Variants in TMC5 observed in about 807,000 individuals in gnomAD.
TMC5 encodes the protein transmembrane channel like 5.
In TMC5, 86 loss-of-function variants were observed where a neutral mutation model predicts 110.5. The ratio of observed to expected loss-of-function variants is 0.78; its 90% CI spans 0.65 to 0.93. The LOEUF is 0.93. Among genes scored for constraint, TMC5 ranks in the 40% least tolerant of loss-of-function variants. The probability of loss-of-function intolerance (pLI) is 0.00; values close to 1 mark genes in which losing one functional copy is unlikely to be tolerated. For missense variants in TMC5, 1,144 were observed against 1,222.8 expected (o/e 0.94, Z 0.96); for synonymous variants, 455 against 439.5 (o/e 1.04, Z -0.44).
chr16:19,495,619 G>C (rs1349397353), intron 20 of TMC5, among the ~76,000 whole-genome samples: 1 of 152,020 alleles, frequency 6.6e-6, no homozygotes, highest in Non-Finnish European at 1.5e-5. Context: ...GGCTGAGGTG[G>C]GAGGGGAGGA....
intron 21 of TMC5, among the ~76,000 whole-genome samples, chr16:19,497,419 A>G (rs1269201785): frequency 1.3e-5 from 2 of 152,224 alleles, no homozygotes; most frequent in Non-Finnish European, 2.9e-5. Context: ...ACTCTGCCTA[A>G]TAAGTGCAAG....
intron 11 of TMC5, among the ~76,000 whole-genome samples, chr16:19,473,087 T>C (rs1237095709): frequency 1.3e-5 from 2 of 152,036 alleles, no homozygotes; most frequent in Non-Finnish European, 2.9e-5. Flanking sequence ...GGCTCACGCC[T>C]GTAATCCCAG....
intron 2 of TMC5, among the ~76,000 whole-genome samples, chr16:19,438,760 C>T (rs971082954): frequency 1.8e-4 from 28 of 151,788 alleles, no homozygotes; most frequent in African/African-American, 5.1e-4. Context: ...AAAAGAAAAA[C>T]GAAAAGAAAA....
chr16:19,474,128 C>T lies in TMC5; in HGVS notation c.1942C>T (p.Leu648=). The change falls in exon 12 of 22, where the codon CTG becomes TTG. Residue 648 remains leucine, a synonymous_variant. Coordinates refer to ENST00000542583, the MANE Select transcript of TMC5 (RefSeq NM_001261841.2). ...TTCTCTCCCCCATCCCCTGCAGTTCCTGAAGACACACAGTAACCCTGGGGC... is the reference window on the plus strand; with the variant it reads ...TTCTCTCCCCCATCCCCTGCAGTTCTTGAAGACACACAGTAACCCTGGGGC... ...YYLAEYNLEF[L]KTHSNPGAVL... The T allele has an allele frequency of 6.2e-7, 1 of 1,613,514 alleles. No homozygotes were observed. The highest frequency in any genetic ancestry group is 1.1e-5 in the South Asian group (1 of 91,022).
intron 5 of TMC5, among the ~76,000 whole-genome samples, chr16:19,457,526 G>A (rs932143981): frequency 6.6e-6 from 1 of 152,010 alleles, no homozygotes; most frequent in African/African-American, 2.4e-5. Flanking sequence ...TATTTTGTAT[G>A]CCTTGTGCTC....
intron 18 of TMC5, 48 bp downstream of exon 18, chr16:19,490,616 G>A (rs753970625): frequency 1.1e-5 from 18 of 1,595,370 alleles, no homozygotes; most frequent in Non-Finnish European, 1.5e-5. Flanking sequence ...AGGAGCTCTC[G>A]AGGGAAACAG....
chr16:19,469,107 T>C (rs575256243), intron 9 of TMC5, among the ~76,000 whole-genome samples: 2 of 152,276 alleles, frequency 1.3e-5, no homozygotes, highest in Admixed American at 1.3e-4. Flanking sequence ...TCATTTGCTA[T>C]AGCAGCAACA....
Position 19,460,401 on chromosome 16 carries a change from A to G in TMC5, c.1148+67A>G, listed in dbSNP as rs1339455444. 1.4e-5 allele frequency: 16 copies of G among 1,146,410 alleles called. No individual in the cohort carries two copies. In the East Asian group the frequency reaches 1.7e-4, roughly 12 times the overall value. 71.0% of individuals were successfully genotyped at this position (1,146,410 alleles called of 1,614,324 possible). A position where few individuals can be genotyped will look rare whatever the true frequency, so the allele number is the denominator to read the frequency against. On this transcript the variant is annotated intron_variant, in intron 6 of 21. Transcript: ENST00000542583. Reference sequence around the variant, plus strand: ...AACCTCAATCCTCTACTTTTGCCCCATCTCAAAAAGATAAGAAATAAATAA... The same window carrying G: ...AACCTCAATCCTCTACTTTTGCCCCGTCTCAAAAAGATAAGAAATAAATAA...
chr16:19,493,203 C>T lies in TMC5; in HGVS notation c.2826+975C>T, dbSNP rs60038944. On this transcript the variant is annotated intron_variant, in intron 19 of 21. Transcript: ENST00000542583. ...CTCAAACTTCCGACCTCAGGTGATC[C>T]GCCCGCCTCGGCCTCCCAAAGTGCT... 5.4e-3 allele frequency among the ~76,000 whole-genome samples: 817 copies of T among 151,426 alleles called. 8 individuals carry two copies. Among genetic ancestry groups the T allele is most frequent in the African/African-American group, 0.018 (755 of 41,344 alleles).
At chr16:19,433,013 CAT>C (rs1967226431) in intron 2 of TMC5, among the ~76,000 whole-genome samples, 1 of 151,834 alleles carries the variant, frequency 6.6e-6, no homozygotes, top group African/African-American at 2.4e-5. Context: ...ATAATATACA[CAT>C]ATAATACACA....
At chr16:19,445,015 C>G (rs1288934882) in intron 4 of TMC5, among the ~76,000 whole-genome samples, 1 of 152,090 alleles carries the variant, frequency 6.6e-6, no homozygotes, top group Non-Finnish European at 1.5e-5. Context: ...CCTGTAATGC[C>G]ATACTCGGGA....
At position 19,441,588 on chromosome 16, in the gene TMC5, C is replaced by T. The variant is rs545689002; in HGVS notation, c.788+762C>T. Among the ~76,000 whole-genome samples the T allele has an allele frequency of 3.3e-5, 5 of 151,722 alleles. 1 individual carries two copies. Among genetic ancestry groups the T allele is most frequent in the East Asian group, 3.9e-4 (2 of 5,098 alleles). On this transcript the variant is annotated intron_variant, in intron 3 of 21. Transcript: ENST00000542583. ...GATTATAGGCATGAGCCACCATGCC[C>T]GGCCATGTTTGCACCACTTCTGATT...
intron 20 of TMC5, among the ~76,000 whole-genome samples, chr16:19,495,811 C>T (rs1197399698): frequency 6.6e-6 from 1 of 151,836 alleles, no homozygotes; most frequent in African/African-American, 2.4e-5. Context: ...CGCACTCCAG[C>T]TTGGGAGACA....
In TMC5 at chr16:19,428,496, A is replaced by G. The variant is rs7196966; in HGVS notation, c.-307-1917A>G. ...GCCCCAATTCTCATTTAAAAAATAC[A>G]TTAGAACTCATGTTAATTCAGTGTT... On this transcript the variant is annotated intron_variant, in intron 1 of 21. Coordinates refer to ENST00000542583, the MANE Select transcript of TMC5 (RefSeq NM_001261841.2). 2.0e-5 allele frequency among the ~76,000 whole-genome samples: 3 copies of G among 152,254 alleles called. No individual in the cohort carries two copies. In the South Asian group the frequency reaches 6.2e-4, roughly 32 times the overall value.
Position 19,440,659 on chromosome 16 carries a change from T to A in TMC5, c.621T>A (p.Tyr207Ter). ...PYADSLGKPD[Y>*]PGADIQPNSP... The stretch of plus-strand genomic sequence containing the variant: ...CAGACTCTCTGGGAAAGCCTGATTA[T>A]CCAGGCGCTGACATTCAACCTAACT... Residue 207 changes from tyrosine to a stop codon, truncating the protein, a stop_gained, in exon 3 of 22, where the codon TAT becomes TAA. Coordinates refer to ENST00000542583, the MANE Select transcript of TMC5 (RefSeq NM_001261841.2). LOFTEE classifies it high-confidence loss of function. The A allele has an allele frequency of 6.2e-7, 1 of 1,614,224 alleles. No individual in the cohort carries two copies. Among genetic ancestry groups the A allele is most frequent in the South Asian group, 1.1e-5 (1 of 91,088 alleles).
At chr16:19,435,802 T>C (rs1328288827) in intron 2 of TMC5, among the ~76,000 whole-genome samples, 2 of 152,228 alleles carry the variant, frequency 1.3e-5, no homozygotes, top group Admixed American at 6.5e-5. Flanking sequence ...CCAACTCTTT[T>C]TCCTCATCCT....
rs72785329 is a variant in TMC5, at chr16:19,487,179, C to A, written c.2440-14C>A. On this transcript the variant is annotated splice_polypyrimidine_tract_variant and intron_variant, in intron 16 of 21. Coordinates refer to ENST00000542583, the MANE Select transcript of TMC5 (RefSeq NM_001261841.2). ...CCGGCTGCAGATGGGAGGTGGCTGC[C>A]TCTCTCTCTTCAGATCAGCCTGATG... 5 of 1,607,484 alleles carry A rather than the reference C, an allele frequency of 3.1e-6. No individual in the cohort carries two copies. The highest frequency in any genetic ancestry group is 4.3e-6 in the Non-Finnish European group (5 of 1,176,418).
intron 5 of TMC5, among the ~76,000 whole-genome samples, chr16:19,452,633 C>G (rs146956355): frequency 1.6e-3 from 243 of 152,268 alleles, no homozygotes; most frequent in Non-Finnish European, 2.8e-3. Context: ...AGGGGAATCA[C>G]TTGAACTCAG....
chr16:19,429,482 T>A (rs72783394), intron 1 of TMC5, among the ~76,000 whole-genome samples: 8,767 of 152,222 alleles, frequency 0.058, 400 homozygotes, highest in African/African-American at 0.13. Flanking sequence ...CTAATACACA[T>A]TCCCAGAAAG....
Sources: gnomAD v4.1 joint callset for allele counts (sites outside exome capture counted in the v4.1 genomes callset) on GRCh38, gnomAD v4.1.1 for gene constraint, MANE v1.5 for transcripts, NCBI Gene and HGNC (gene_info 2026-07-23, HGNC 2026-07-21) for gene names.